The following SLC8A1 variants were observed in gnomAD, a reference collection of about 807,000 sequenced individuals.
The protein encoded by SLC8A1 is sodium/calcium exchanger 1.
SLC8A1 carries 18 observed loss-of-function variants against 68.3 expected under a neutral mutation model. That is an observed-to-expected ratio of 0.26 (90% CI 0.18 to 0.39). SLC8A1 has a LOEUF of 0.39. SLC8A1 is among the 10% of genes least tolerant of loss of function. The pLI is 1.00. For synonymous variants in SLC8A1, 475 were observed against 415.5 expected (o/e 1.14, Z -1.74); for missense variants, 985 against 1,156.7 (o/e 0.85, Z 2.15).
At chr2:40,234,812 G>A (rs953806093) in intron 2 of SLC8A1, among the ~76,000 whole-genome samples, 1 of 152,098 alleles carries the variant, frequency 6.6e-6, no homozygotes. Flanking sequence ...AGCATGAAGG[G>A]TTGTTGAATT....
intron 2 of SLC8A1, among the ~76,000 whole-genome samples, chr2:40,306,416 A>G (rs944733247): frequency 6.7e-6 from 1 of 149,250 alleles, no homozygotes; most frequent in Non-Finnish European, 1.5e-5. Context: ...TGAAGGTGTA[A>G]GGGCATTTAA....
At chr2:40,150,969 C>G (rs984892386) in intron 6 of SLC8A1, among the ~76,000 whole-genome samples, 46 of 152,116 alleles carry the variant, frequency 3.0e-4, no homozygotes, top group African/African-American at 1.1e-3. Context: ...TAGAATATCT[C>G]CCATAAATAG....
At chr2:40,496,970 T>C (rs1705749055) in intron 1 of SLC8A1, among the ~76,000 whole-genome samples, 1 of 150,056 alleles carries the variant, frequency 6.7e-6, no homozygotes, top group South Asian at 2.1e-4. Flanking sequence ...ATATACCTAA[T>C]GCTAGATGAC....
chr2:40,222,622 A>G (rs766634644), intron 2 of SLC8A1, among the ~76,000 whole-genome samples: 2 of 152,228 alleles, frequency 1.3e-5, no homozygotes, highest in African/African-American at 2.4e-5. Flanking sequence ...CAATCTATCC[A>G]TCTGACAAAG....
At chr2:40,464,858 T>C (rs1196623229) in intron 1 of SLC8A1, among the ~76,000 whole-genome samples, 2 of 152,082 alleles carry the variant, frequency 1.3e-5, no homozygotes, top group African/African-American at 4.8e-5. Flanking sequence ...TCCATCTCAG[T>C]GGGGACAGTT....
intron 1 of SLC8A1, among the ~76,000 whole-genome samples, chr2:40,466,925 C>T (rs114766361): frequency 0.014 from 2,080 of 148,728 alleles, 37 homozygotes; most frequent in African/African-American, 0.049. Context: ...TAAAAGTGCC[C>T]AGATATTGAG....
chr2:40,285,265 A>T (rs779980871), intron 2 of SLC8A1, among the ~76,000 whole-genome samples: 1 of 152,160 alleles, frequency 6.6e-6, no homozygotes, highest in Non-Finnish European at 1.5e-5. Context: ...TGATCACTAC[A>T]ATATACATCT....
In SLC8A1 at chr2:40,171,583, C is replaced by A. The variant is rs184895412; in HGVS notation, c.1930+3242G>T. On this transcript the variant is annotated intron_variant, in intron 4 of 7. Coordinates refer to ENST00000406785, the Ensembl canonical transcript of SLC8A1. Reference sequence around the variant, plus strand: ...GTGGGTTTTGAGTAGAAAAGGGGTTCAATGTATAATTTCAAGATGCAGGTA... The same window carrying A: ...GTGGGTTTTGAGTAGAAAAGGGGTTAAATGTATAATTTCAAGATGCAGGTA... Among the ~76,000 whole-genome samples the A allele has an allele frequency of 1.3e-3, 194 of 152,206 alleles. 3 individuals are homozygous for A. Among genetic ancestry groups the A allele is most frequent in the African/African-American group, 4.3e-3 (180 of 41,504 alleles).
intron 7 of SLC8A1, among the ~76,000 whole-genome samples, chr2:40,127,382 G>A (rs1362822628): frequency 6.6e-6 from 1 of 152,164 alleles, no homozygotes; most frequent in Non-Finnish European, 1.5e-5. Context: ...CTCAAACCAA[G>A]TGCTGGTTCC....
chr2:40,417,388 G>C (rs771422370), intron 2 of SLC8A1, among the ~76,000 whole-genome samples: 3 of 152,088 alleles, frequency 2.0e-5, no homozygotes, highest in South Asian at 2.1e-4. Context: ...AACCAAACAA[G>C]AAAAACATAA....
chr2:40,153,586 C>G (rs2043861666), intron 6 of SLC8A1, among the ~76,000 whole-genome samples: 1 of 152,094 alleles, frequency 6.6e-6, no homozygotes, highest in Admixed American at 6.5e-5. Context: ...GACCTTTGTT[C>G]CTACCTTTTT....
At chr2:40,376,978 G>C (rs1200475120) in intron 2 of SLC8A1, among the ~76,000 whole-genome samples, 1 of 151,924 alleles carries the variant, frequency 6.6e-6, no homozygotes, top group Non-Finnish European at 1.5e-5. Context: ...CTCTTGAGTG[G>C]GAACAATACA....
rs1312079497 is a variant in SLC8A1, at chr2:40,100,174, T to C, written c.*15079A>G. On this transcript the variant is annotated 3_prime_UTR_variant, in exon 8 of 8. Transcript: ENST00000406785. ...TGGGATAAGAAACAATTTGCTGTTA[T>C]CTTCTAATATCAAGACCTTTTTAAT... is the stretch of plus-strand genomic sequence containing the variant. 2.0e-5 allele frequency: 3 copies of C among 151,908 alleles called. No individual in the cohort carries two copies. The East Asian group carries it at 6.0e-4, about 31-fold the overall frequency. 9.4% of individuals were successfully genotyped at this position (151,908 alleles called of 1,614,324 possible).
intron 2 of SLC8A1, among the ~76,000 whole-genome samples, chr2:40,345,035 G>A (rs935011688): frequency 6.6e-6 from 1 of 152,166 alleles, no homozygotes; most frequent in African/African-American, 2.4e-5. Context: ...GAGGCTATAA[G>A]CCATGGATTT....
At chr2:40,438,082 C>T (rs561745953) in intron 1 of SLC8A1, among the ~76,000 whole-genome samples, 6 of 152,220 alleles carry the variant, frequency 3.9e-5, no homozygotes, top group East Asian at 1.9e-4. Flanking sequence ...CTAGAAATCT[C>T]GGACTGCTCA....
At chr2:40,292,812 A>C (rs549381180) in intron 2 of SLC8A1, among the ~76,000 whole-genome samples, 2 of 152,190 alleles carry the variant, frequency 1.3e-5, no homozygotes, top group African/African-American at 4.8e-5. Flanking sequence ...ATAGAAAAGG[A>C]AAGTTAAATT....
intron 2 of SLC8A1, among the ~76,000 whole-genome samples, chr2:40,363,789 C>A (rs950885609): frequency 6.6e-6 from 1 of 151,932 alleles, no homozygotes; most frequent in African/African-American, 2.4e-5. Context: ...GCAAATACAG[C>A]ATTGTATTTG....
intron 2 of SLC8A1, among the ~76,000 whole-genome samples, chr2:40,354,527 C>T (rs943409461): frequency 2.6e-5 from 4 of 152,114 alleles, no homozygotes; most frequent in African/African-American, 9.7e-5. Context: ...ATAATTCACA[C>T]AGTCAGTCTT....
intron 2 of SLC8A1, among the ~76,000 whole-genome samples, chr2:40,412,927 G>C (rs1281372644): frequency 6.6e-6 from 1 of 151,984 alleles, no homozygotes; most frequent in Non-Finnish European, 1.5e-5. Flanking sequence ...TATACTTTAA[G>C]TTTTAGGGTA....
Sources: gnomAD v4.1 joint callset for allele counts (sites outside exome capture counted in the v4.1 genomes callset) on GRCh38, gnomAD v4.1.1 for gene constraint, MANE v1.5 for transcripts, NCBI Gene and HGNC (gene_info 2026-07-23, HGNC 2026-07-21) for gene names.